ATP6V1A: variants seen among roughly 807,000 people sequenced by gnomAD.
ATP6V1A encodes ATPase H+ transporting V1 subunit A, also known as V-type proton ATPase catalytic subunit A.
In ATP6V1A, 18 loss-of-function variants were observed where a neutral mutation model predicts 70.1. The observed-to-expected ratio is 0.26, with a 90% CI of 0.18 to 0.38. The LOEUF (loss-of-function observed/expected upper bound fraction) is 0.38. ATP6V1A is among the 10% of genes least tolerant of loss of function. The pLI is 1.00. For synonymous variants in ATP6V1A, 232 were observed against 253.8 expected (o/e 0.91, Z 0.82); for missense variants, 424 against 772.4 (o/e 0.55, Z 5.35).
At position 113,794,853 on chromosome 3, in the gene ATP6V1A, A is replaced by T; in HGVS notation, c.989-19A>T. On this transcript the variant is annotated intron_variant, in intron 8 of 14. Transcript: ENST00000273398. ...ATATGCTAGCATTGTAACTTATAAT[A>T]ATATTCTTCCCAATTTAGGAATCAC... 1 of 1,592,108 alleles carries T rather than the reference A, an allele frequency of 6.3e-7. No individual in the cohort carries two copies. Among genetic ancestry groups the T allele is most frequent in the Non-Finnish European group, 8.5e-7 (1 of 1,173,888 alleles).
chr3:113,802,096 G>A (rs1301811387), intron 12 of ATP6V1A, among the ~76,000 whole-genome samples: 1 of 152,128 alleles, frequency 6.6e-6, no homozygotes, highest in Non-Finnish European at 1.5e-5. Context: ...TTGAGGTAGT[G>A]ATATTTAAAG....
intron 2 of ATP6V1A, chr3:113,780,688 T>C (rs1358044014): frequency 1.6e-6 from 2 of 1,217,420 alleles, no homozygotes; most frequent in East Asian, 5.6e-5. Flanking sequence ...CCAAACCATT[T>C]ATTCCAATTT....
At chr3:113,752,270 A>T (rs552814398) in intron 1 of ATP6V1A, among the ~76,000 whole-genome samples, 1 of 151,978 alleles carries the variant, frequency 6.6e-6, no homozygotes, top group African/African-American at 2.4e-5. Flanking sequence ...TCTTAGTTTA[A>T]TTTTTTTAAT....
intron 11 of ATP6V1A, among the ~76,000 whole-genome samples, chr3:113,797,612 G>C (rs946939926): frequency 6.6e-6 from 1 of 151,948 alleles, no homozygotes; most frequent in Non-Finnish European, 1.5e-5. Flanking sequence ...AACCTTTTCT[G>C]GTTCTATTGT....
rs537779838 is a variant in ATP6V1A at position 113,754,282 on chromosome 3, G to A, written c.-14+7169G>A. Among the ~76,000 whole-genome samples the A allele has an allele frequency of 1.6e-4, 25 of 152,282 alleles. No homozygotes were observed. In the South Asian group the frequency reaches 5.2e-3, roughly 32 times the overall value. On this transcript the variant is annotated intron_variant, in intron 1 of 14. Coordinates refer to ENST00000273398, the MANE Select transcript of ATP6V1A (RefSeq NM_001690.4). ...CTCACGCCTGTAATCCCAGCACTTT[G>A]GGAGGCTGAGGCAGGTAGATCGCTT...
intron 10 of ATP6V1A, 23 bp from the exon 11 acceptor site, chr3:113,795,853 G>A: frequency 6.3e-7 from 1 of 1,582,172 alleles, no homozygotes; most frequent in South Asian, 1.2e-5. Flanking sequence ...TTTTTGTAAT[G>A]ACCATATTTT....
chr3:113,753,808 G>A (rs545707266), intron 1 of ATP6V1A, among the ~76,000 whole-genome samples: 280 of 149,704 alleles, frequency 1.9e-3, no homozygotes, highest in South Asian at 4.4e-3. Context: ...CTATCCTCCC[G>A]CCTCAGCCTC....
intron 11 of ATP6V1A, 28 bp from the exon 12 acceptor site, chr3:113,798,215 T>C: frequency 6.2e-7 from 1 of 1,604,852 alleles, no homozygotes; most frequent in Non-Finnish European, 8.5e-7. Flanking sequence ...AAAATTACTG[T>C]TTTTGTGTGT....
intron 1 of ATP6V1A, among the ~76,000 whole-genome samples, chr3:113,774,138 G>C (rs1382262419): frequency 2.0e-5 from 3 of 151,142 alleles, no homozygotes; most frequent in Non-Finnish European, 4.4e-5. Context: ...TTGTGAACAA[G>C]AAACAGGATG....
chr3:113,752,856 T>A (rs1708602914), intron 1 of ATP6V1A, among the ~76,000 whole-genome samples: 1 of 152,140 alleles, frequency 6.6e-6, no homozygotes, highest in African/African-American at 2.4e-5. Flanking sequence ...TGATTTCAGA[T>A]GGATTAGAGG....
At chr3:113,748,939 G>T (rs1045735705) in intron 1 of ATP6V1A, among the ~76,000 whole-genome samples, 1 of 152,146 alleles carries the variant, frequency 6.6e-6, no homozygotes, top group African/African-American at 2.4e-5. Context: ...AGAAAAAAAG[G>T]AAGTGTTACT....
At chr3:113,764,380 A>C (rs1209563182) in intron 1 of ATP6V1A, among the ~76,000 whole-genome samples, 1 of 152,240 alleles carries the variant, frequency 6.6e-6, no homozygotes, top group Non-Finnish European at 1.5e-5. Flanking sequence ...AAGATGACAC[A>C]AAGACTGTGT....
At chr3:113,777,610 A>C (rs892762395) in intron 1 of ATP6V1A, among the ~76,000 whole-genome samples, 5 of 152,290 alleles carry the variant, frequency 3.3e-5, no homozygotes, top group African/African-American at 1.2e-4. Flanking sequence ...AAAATTAGCC[A>C]GGTGTGGTAG....
chr3:113,795,117 C>T lies in ATP6V1A; in HGVS notation c.1139C>T (p.Ala380Val). ...ADSGYPAYLG[A>V]RLASFYERAG... is the part of the protein sequence containing the mutation. ...AGTGGATATCCAGCCTATCTTGGTGCCCGTCTGGCCTCGTTTTATGAACGA... is the reference window on the plus strand; with the variant it reads ...AGTGGATATCCAGCCTATCTTGGTGTCCGTCTGGCCTCGTTTTATGAACGA... Residue 380 changes from alanine (A) to valine (V), a missense_variant, in exon 10 of 15, where the codon GCC (alanine) becomes GTC (valine). Physicochemically the swap from Ala to Val is moderately conservative, Grantham distance 64. This residue lies in a region of ATP6V1A where 58 missense variants were observed against 181.5 expected (regional missense o/e 0.32). Coordinates refer to ENST00000273398, the MANE Select transcript of ATP6V1A (RefSeq NM_001690.4). 1 of 1,614,100 alleles carries T rather than the reference C, an allele frequency of 6.2e-7. No homozygotes were observed. Among genetic ancestry groups the T allele is most frequent in the Non-Finnish European group, 8.5e-7 (1 of 1,180,020 alleles).
At chr3:113,784,000 G>A (rs1369618290) in intron 3 of ATP6V1A, among the ~76,000 whole-genome samples, 1 of 152,066 alleles carries the variant, frequency 6.6e-6, no homozygotes, top group Non-Finnish European at 1.5e-5. Flanking sequence ...ATACATATTA[G>A]GTTGTTTAGA....
At position 113,795,220 on chromosome 3, in the gene ATP6V1A, A is replaced by G. The variant is rs1265771788; in HGVS notation, c.1226+16A>G. Reference sequence around the variant, plus strand: ...TTGTAGGAGCGTAAGCACCCACACTATTTACTTTGCAAAAGGAAAAAAGTC... The same window carrying G: ...TTGTAGGAGCGTAAGCACCCACACTGTTTACTTTGCAAAAGGAAAAAAGTC... On this transcript the variant is annotated intron_variant, in intron 10 of 14. Coordinates refer to ENST00000273398, the MANE Select transcript of ATP6V1A (RefSeq NM_001690.4). 1.2e-6 allele frequency: 2 copies of G among 1,606,168 alleles called. No individual in the cohort carries two copies. Among genetic ancestry groups the G allele is most frequent in the Admixed American group, 1.7e-5 (1 of 57,950 alleles).
At chr3:113,802,683 AG>A (rs1354913843) in intron 12 of ATP6V1A, 1 of 143,390 alleles carries the variant, frequency 7.0e-6, no homozygotes, top group Non-Finnish European at 1.5e-5. Context: ...TTGTGAGATA[AG>A]GTCTCGCTCT....
At chr3:113,781,946 T>C (rs1485359790) in intron 3 of ATP6V1A, among the ~76,000 whole-genome samples, 1 of 152,210 alleles carries the variant, frequency 6.6e-6, no homozygotes, top group Non-Finnish European at 1.5e-5. Flanking sequence ...CTAGGAAAGC[T>C]TTACTATTTG....
At chr3:113,785,355 G>T (rs529425696) in intron 5 of ATP6V1A, among the ~76,000 whole-genome samples, 1 of 152,090 alleles carries the variant, frequency 6.6e-6, no homozygotes, top group Non-Finnish European at 1.5e-5. Context: ...CAGGAGAATC[G>T]CCTGAACCTA....
Sources: allele counts gnomAD v4.1 joint callset (sites outside exome capture counted in the v4.1 genomes callset), GRCh38; gene constraint gnomAD v4.1.1; regional missense constraint gnomAD v4.1.1; transcripts MANE v1.5; gene names NCBI Gene and HGNC (gene_info 2026-07-23, HGNC 2026-07-21).